TECPR2: variants seen among roughly 807,000 people sequenced by gnomAD.
TECPR2 encodes the protein tectonin beta-propeller repeat containing 2, also known as tectonin beta-propeller repeat-containing protein 2.
Under a neutral mutation model 138.1 loss-of-function variants are expected in TECPR2, and 65 were observed. That is an observed-to-expected ratio of 0.47 (90% CI 0.39 to 0.58). TECPR2 has a LOEUF of 0.58. Ranked by LOEUF, TECPR2 falls within the 20% of genes least tolerant of loss-of-function variation. The pLI is 0.00. For synonymous variants in TECPR2, 746 were observed against 749.8 expected, an observed-to-expected ratio of 0.99 and a Z score of 0.08; for missense variants, 1,553 against 1,824.5, an observed-to-expected ratio of 0.85 and a Z score of 2.71.
chr14:102,487,285 A>G (rs1288472978), intron 17 of TECPR2, among the ~76,000 whole-genome samples: 1 of 152,208 alleles, frequency 6.6e-6, no homozygotes, highest in Non-Finnish European at 1.5e-5. Context: ...TTCCTGAAAC[A>G]TTCCTGCTGA....
intron 15 of TECPR2, 117 bp downstream of exon 15, chr14:102,450,766 A>G (rs1459925939): frequency 4.0e-6 from 4 of 1,002,202 alleles, no homozygotes; most frequent in African/African-American, 3.2e-5. Flanking sequence ...GAGACTGACC[A>G]CGTGAGGGTG....
chr14:102,412,381 C>T (rs947250144), intron 4 of TECPR2, among the ~76,000 whole-genome samples: 4 of 152,102 alleles, frequency 2.6e-5, no homozygotes, highest in African/African-American at 9.7e-5. Context: ...AATCTGCTCA[C>T]CACAGTCTTC....
intron 5 of TECPR2, 133 bp from the exon 6 acceptor site, chr14:102,424,846 G>A: frequency 1.1e-6 from 1 of 898,334 alleles, no homozygotes; most frequent in Admixed American, 2.9e-5. Flanking sequence ...ACAAACAGTA[G>A]AAAGGGTGAA....
chr14:102,367,377 A>G (rs749457773), intron 1 of TECPR2, among the ~76,000 whole-genome samples: 1 of 152,098 alleles, frequency 6.6e-6, no homozygotes, highest in Admixed American at 6.6e-5. Context: ...TCATCACCCT[A>G]AAAGGAAACT....
chr14:102,426,290 T>G (rs920884542), intron 6 of TECPR2, among the ~76,000 whole-genome samples: 1 of 152,162 alleles, frequency 6.6e-6, no homozygotes, highest in Non-Finnish European at 1.5e-5. Flanking sequence ...TGGTAGGAAA[T>G]AATTTCTGCT....
intron 1 of TECPR2, 32 bp downstream of exon 1, chr14:102,363,148 C>G: frequency 3.0e-6 from 1 of 337,922 alleles, no homozygotes; most frequent in Non-Finnish European, 5.2e-6. Flanking sequence ...GCGGCCCCGA[C>G]GCCCCCGACG....
chr14:102,363,018 G>T lies in TECPR2; in HGVS notation c.-171G>T, dbSNP rs1448904047. 3 of 891,134 alleles carry T rather than the reference G, an allele frequency of 3.4e-6. No homozygotes were observed. The highest frequency in any genetic ancestry group is 3.4e-5 in the African/African-American group (2 of 59,266). 55.2% of individuals were successfully genotyped at this position (891,134 alleles called of 1,614,324 possible). On this transcript the variant is annotated 5_prime_UTR_variant, in exon 1 of 20. Coordinates refer to ENST00000359520, the MANE Select transcript of TECPR2 (RefSeq NM_014844.5). The stretch of plus-strand genomic sequence containing the variant: ...TGCTGGCCCCGGTGCCGGCCCCGTT[G>T]CCCAGGGAACAGGCTCCCGGCAGCC...
At chr14:102,469,806 G>A (rs1890620654) in intron 17 of TECPR2, among the ~76,000 whole-genome samples, 1 of 152,132 alleles carries the variant, frequency 6.6e-6, no homozygotes. Context: ...TATGATGAAA[G>A]GGTGTTGGGT....
intron 17 of TECPR2, among the ~76,000 whole-genome samples, chr14:102,484,992 G>A (rs370118885): frequency 2.0e-5 from 3 of 152,186 alleles, no homozygotes; most frequent in African/African-American, 7.2e-5. Flanking sequence ...CCCTCTCATG[G>A]TAGTGGTGCT....
At chr14:102,462,526 A>AT (rs780595288) in intron 16 of TECPR2, among the ~76,000 whole-genome samples, 63 of 152,134 alleles carry the variant, frequency 4.1e-4, no homozygotes, top group Admixed American at 1.7e-3. Flanking sequence ...GACACATGAG[A>AT]TTTTCACATG....
At chr14:102,438,269 C>T (rs1250737894) in intron 10 of TECPR2, 64 bp downstream of exon 10, 14 of 1,538,272 alleles carry the variant, frequency 9.1e-6, no homozygotes, top group Non-Finnish European at 1.0e-5. Flanking sequence ...TCCCCGCCCC[C>T]GGGGTGCAGA....
At chr14:102,489,002 C>T (rs973362411) in intron 17 of TECPR2, among the ~76,000 whole-genome samples, 1 of 151,976 alleles carries the variant, frequency 6.6e-6, no homozygotes, top group Non-Finnish European at 1.5e-5. Context: ...CCTGCCTCAG[C>T]CTCCCGAGAC....
chr14:102,429,497 T>C (rs1028419720), intron 7 of TECPR2, among the ~76,000 whole-genome samples: 2 of 152,198 alleles, frequency 1.3e-5, no homozygotes, highest in African/African-American at 4.8e-5. Flanking sequence ...AGCCCAAATT[T>C]TAATGAGCAA....
At position 102,363,053 on chromosome 14, in the gene TECPR2, C is replaced by A. The variant is rs982614088; in HGVS notation, c.-136C>A. On this transcript the variant is annotated 5_prime_UTR_variant, in exon 1 of 20. Coordinates refer to ENST00000359520, the MANE Select transcript of TECPR2 (RefSeq NM_014844.5). Reference sequence around the variant, plus strand: ...CAGGCTCCCGGCAGCCCCCGCGGCCCGGAGTCCATCCCGCCTCCTCCGGCC... The same window carrying A: ...CAGGCTCCCGGCAGCCCCCGCGGCCAGGAGTCCATCCCGCCTCCTCCGGCC... The A allele has an allele frequency of 3.0e-5, 18 of 591,578 alleles. No homozygotes were observed. The highest frequency in any genetic ancestry group is 4.5e-5 in the Non-Finnish European group (16 of 357,082). The allele number at this position is 591,578 out of a possible 1,614,324, so 36.6% of individuals were successfully genotyped here.
intron 17 of TECPR2, among the ~76,000 whole-genome samples, chr14:102,494,548 C>T (rs561369025): frequency 1.3e-4 from 20 of 150,744 alleles, no homozygotes; most frequent in Admixed American, 8.6e-4. Context: ...CTAGCTCGGA[C>T]GGGTGCGGTG....
chr14:102,499,931 A>C lies in TECPR2; in HGVS notation c.*1674A>C, dbSNP rs1595154497. 6.6e-6 allele frequency: 1 copy of C among 152,494 alleles called. No individual in the cohort carries two copies. Among genetic ancestry groups the C allele is most frequent in the African/African-American group, 2.4e-5 (1 of 41,332 alleles). 9.4% of individuals were successfully genotyped at this position (152,494 alleles called of 1,614,324 possible). On this transcript the variant is annotated 3_prime_UTR_variant, in exon 20 of 20. Transcript: ENST00000359520. ...TGACTTCACACTTCCCTTTTCTAGA[A>C]CCTTTTGTAAAAGTTGGTGGCAGCA... is the stretch of plus-strand genomic sequence containing the variant.
At chr14:102,431,381 T>C (rs1377344892) in intron 7 of TECPR2, among the ~76,000 whole-genome samples, 31 of 144,986 alleles carry the variant, frequency 2.1e-4, no homozygotes, top group Admixed American at 3.4e-4. Context: ...CTCACTGTGT[T>C]GCCCAGGCTG....
intron 14 of TECPR2, among the ~76,000 whole-genome samples, chr14:102,450,150 T>G (rs951192268): frequency 6.6e-6 from 1 of 152,188 alleles, no homozygotes; most frequent in Non-Finnish European, 1.5e-5. Context: ...GTTAACAATT[T>G]CACATTTTAA....
chr14:102,458,784 T>C (rs1890336163), intron 16 of TECPR2, among the ~76,000 whole-genome samples: 1 of 151,890 alleles, frequency 6.6e-6, no homozygotes, highest in Admixed American at 6.6e-5. Context: ...CATTCTTCAT[T>C]GACTGTCCCC....
Sources: gnomAD v4.1 joint callset for allele counts (sites outside exome capture counted in the v4.1 genomes callset) on GRCh38, gnomAD v4.1.1 for gene constraint, MANE v1.5 for transcripts, NCBI Gene and HGNC (gene_info 2026-07-23, HGNC 2026-07-21) for gene names.